SMARCA5: variants seen among roughly 807,000 people sequenced by gnomAD.
SMARCA5 encodes SWI/SNF-related matrix-associated actin-dependent regulator of chromatin subfamily A member 5.
In SMARCA5, 18 loss-of-function variants were observed where a neutral mutation model predicts 140.4. The ratio of observed to expected loss-of-function variants is 0.13; its 90% CI spans 0.09 to 0.19. The LOEUF (loss-of-function observed/expected upper bound fraction) is 0.19, where lower values mean the gene tolerates loss of function less well. Ranked by LOEUF, SMARCA5 falls within the 10% of genes least tolerant of loss-of-function variation. SMARCA5 has a pLI of 1.00. For synonymous variants in SMARCA5, 449 were observed against 419.6 expected (o/e 1.07, Z -0.86); for missense variants, 606 against 1,276.8 (o/e 0.47, Z 8.01).
intron 17 of SMARCA5, 105 bp downstream of exon 17, chr4:143,544,952 T>C: frequency 5.7e-6 from 3 of 522,342 alleles, no homozygotes; most frequent in East Asian, 7.1e-5. Flanking sequence ...TGTTTCTTTT[T>C]TTTTTTTTTT....
chr4:143,529,136 T>C (rs1270113482), intron 8 of SMARCA5, among the ~76,000 whole-genome samples: 5 of 152,200 alleles, frequency 3.3e-5, no homozygotes, highest in Non-Finnish European at 7.4e-5. Flanking sequence ...GGTTTTGCCA[T>C]GTTGTCCAGG....
chr4:143,544,947 CTTTTTTT>C (rs11289994), intron 17 of SMARCA5, 100 bp downstream of exon 17: 9 of 361,440 alleles, frequency 2.5e-5, no homozygotes, highest in South Asian at 2.6e-5. Context: ...TTTTGTGTTT[CTTTTTTT>C]TTTTTTTTTT....
At chr4:143,547,016 AG>A (rs1481377618) in intron 20 of SMARCA5, 108 bp downstream of exon 20, 2 of 937,356 alleles carry the variant, frequency 2.1e-6, no homozygotes, top group Non-Finnish European at 1.6e-6. Flanking sequence ...CAGTGTAGTT[AG>A]TACCTTCTTC....
In SMARCA5 at chr4:143,538,908, T is replaced by C. The variant is rs1323671627; in HGVS notation, c.1740T>C (p.Asp580=). The change falls in exon 13 of 24, where the codon GAT becomes GAC. Residue 580 remains aspartate, a synonymous_variant. Transcript: ENST00000283131. ...TADVVILYDS[D]WNPQVDLQAM... Reference sequence around the variant, plus strand: ...ATGTAGTAATTTTGTATGATTCTGATTGGAATCCCCAAGTAGATCTTCAGG... The same window carrying C: ...ATGTAGTAATTTTGTATGATTCTGACTGGAATCCCCAAGTAGATCTTCAGG... 6.2e-7 allele frequency: 1 copy of C among 1,614,110 alleles called. No homozygotes were observed. The highest frequency in any genetic ancestry group is 8.5e-7 in the Non-Finnish European group (1 of 1,179,982).
intron 8 of SMARCA5, 102 bp downstream of exon 8, chr4:143,528,816 T>G: frequency 1.0e-6 from 1 of 980,914 alleles, no homozygotes; most frequent in Non-Finnish European, 1.4e-6. Context: ...CTTGAGGTTA[T>G]TATTAATTTT....
At chr4:143,547,680 T>C (rs777038979) in intron 21 of SMARCA5, among the ~76,000 whole-genome samples, 177 bp downstream of exon 21, 9 of 152,056 alleles carry the variant, frequency 5.9e-5, no homozygotes, top group Non-Finnish European at 4.4e-5. Flanking sequence ...CTGATAGATC[T>C]GAGTCAAAGA....
intron 13 of SMARCA5, 77 bp downstream of exon 13, chr4:143,539,015 G>A: frequency 7.9e-7 from 1 of 1,265,494 alleles, no homozygotes; most frequent in Non-Finnish European, 1.1e-6. Flanking sequence ...ACAAATATCA[G>A]TGACTTAACC....
At chr4:143,515,976 A>G (rs1259527288) in intron 1 of SMARCA5, among the ~76,000 whole-genome samples, 2 of 151,086 alleles carry the variant, frequency 1.3e-5, no homozygotes, top group African/African-American at 2.4e-5. Flanking sequence ...GGTTGACATT[A>G]TAGTGTGATT....
At chr4:143,514,976 C>A (rs774228815) in intron 1 of SMARCA5, among the ~76,000 whole-genome samples, 3 of 152,188 alleles carry the variant, frequency 2.0e-5, no homozygotes, top group Admixed American at 6.5e-5. Flanking sequence ...AGCTGCCAGG[C>A]GGGTAAATTG....
Position 143,553,184 on chromosome 4 carries a change from AAT to A in SMARCA5, c.*3_*4del. ...GAAGAAAAAAGAAGCTGAAACTATG[AAT>A]ATGTTTTTGTTTCATAATCACTAAC... is the stretch of plus-strand genomic sequence containing the variant. On this transcript the variant is annotated 3_prime_UTR_variant, in exon 24 of 24. Coordinates refer to ENST00000283131, the MANE Select transcript of SMARCA5 (RefSeq NM_003601.4). 4.3e-6 allele frequency: 7 copies of A among 1,609,264 alleles called. No homozygotes were observed. Among genetic ancestry groups the A allele is most frequent in the Middle Eastern group, 1.7e-4 (1 of 6,046 alleles).
At chr4:143,551,915 T>G (rs1435355037) in intron 23 of SMARCA5, among the ~76,000 whole-genome samples, 2 of 152,072 alleles carry the variant, frequency 1.3e-5, no homozygotes, top group Non-Finnish European at 2.9e-5. Context: ...TGGGTCCATA[T>G]AAATTTTAGT....
rs1737760751 is a variant in SMARCA5 at position 143,556,513 on chromosome 4, TAAAC to T, written c.*3333_*3336del. On this transcript the variant is annotated 3_prime_UTR_variant, in exon 24 of 24. Transcript: ENST00000283131. ...AAAATGGGTACTAAGGAGGGTAATT[TAAAC>T]AAAGTAGATTAATGACACAAGGTGG... 6.6e-6 allele frequency: 1 copy of T among 152,188 alleles called. No homozygotes were observed. The highest frequency in any genetic ancestry group is 2.4e-5 in the African/African-American group (1 of 41,438). The allele number at this position is 152,188 out of a possible 1,614,324, so 9.4% of individuals were successfully genotyped here.
Position 143,550,056 on chromosome 4 carries a change from A to T in SMARCA5, c.3045A>T (p.Leu1015=). ...ITLIERENME[L]EEKEKAEKKK... is the part of the protein sequence containing the mutation. Reference sequence around the variant, plus strand: ...TGATTGAAAGAGAAAACATGGAACTAGAAGAAAAGGAGAAGGCAGAGAAAA... The same window carrying T: ...TGATTGAAAGAGAAAACATGGAACTTGAAGAAAAGGAGAAGGCAGAGAAAA... The change falls in exon 23 of 24, where the codon CTA becomes CTT. Residue 1015 remains leucine, a synonymous_variant. Coordinates refer to ENST00000283131, the MANE Select transcript of SMARCA5 (RefSeq NM_003601.4). The T allele has an allele frequency of 6.3e-7, 1 of 1,593,410 alleles. No homozygotes were observed. The highest frequency in any genetic ancestry group is 1.2e-5 in the South Asian group (1 of 86,692).
In SMARCA5 at chr4:143,554,420, A is replaced by G. The variant is rs1343578790; in HGVS notation, c.*1236A>G. The G allele has an allele frequency of 1.3e-5, 2 of 151,788 alleles. No homozygotes were observed. 9.4% of individuals were successfully genotyped at this position (151,788 alleles called of 1,614,324 possible). A position where few individuals can be genotyped will look rare whatever the true frequency, so the allele number is the denominator to read the frequency against. ...TTAATTGTTTTCTCAATTTTTATTCACTTTTTCCTTTAGGACACATTTCCC... is the reference window on the plus strand; with the variant it reads ...TTAATTGTTTTCTCAATTTTTATTCGCTTTTTCCTTTAGGACACATTTCCC... On this transcript the variant is annotated 3_prime_UTR_variant, in exon 24 of 24. Transcript: ENST00000283131.
At chr4:143,516,626 C>G (rs572331727) in intron 1 of SMARCA5, among the ~76,000 whole-genome samples, 1 of 152,074 alleles carries the variant, frequency 6.6e-6, no homozygotes, top group African/African-American at 2.4e-5. Flanking sequence ...ATTCCAGTAC[C>G]GTACCAGATC....
rs187938943 is a variant in SMARCA5, at chr4:143,516,290, G to C, written c.178-1065G>C. Among the ~76,000 whole-genome samples the C allele has an allele frequency of 6.0e-3, 640 of 106,500 alleles. 6 individuals carry two copies. The highest frequency in any genetic ancestry group is 0.022 in the African/African-American group (609 of 27,422). The allele number at this position is 106,500 out of a possible 152,430, so 69.9% of individuals were successfully genotyped here. ...GTATTCAGTTACTTTTTTTCTTTTT[G>C]CTTGATACTAATAGGTCAATGGAGC... On this transcript the variant is annotated intron_variant, in intron 1 of 23. Coordinates refer to ENST00000283131, the MANE Select transcript of SMARCA5 (RefSeq NM_003601.4).
At chr4:143,534,987 G>C in intron 10 of SMARCA5, 23 bp downstream of exon 10, 1 of 1,427,926 alleles carries the variant, frequency 7.0e-7, no homozygotes, top group Non-Finnish European at 9.7e-7. Context: ...AGATGTACTT[G>C]ATAGCACTAT....
At chr4:143,528,382 T>C (rs1274278908) in intron 7 of SMARCA5, among the ~76,000 whole-genome samples, 1 of 152,216 alleles carries the variant, frequency 6.6e-6, no homozygotes, top group African/African-American at 2.4e-5. Context: ...GAATGATGGC[T>C]TCCAGCTTCA....
chr4:143,541,803 G>A (rs1165106741), intron 14 of SMARCA5, among the ~76,000 whole-genome samples: 1 of 151,702 alleles, frequency 6.6e-6, no homozygotes, highest in Non-Finnish European at 1.5e-5. Flanking sequence ...ACATCCATGT[G>A]TTTTGAAATA....
Sources: gnomAD v4.1 joint callset for allele counts (sites outside exome capture counted in the v4.1 genomes callset) on GRCh38, gnomAD v4.1.1 for gene constraint, MANE v1.5 for transcripts, NCBI Gene and HGNC (gene_info 2026-07-23, HGNC 2026-07-21) for gene names.